The following ATXN2 variants were observed in gnomAD, a reference collection of about 807,000 sequenced individuals.
The protein encoded by ATXN2 is ataxin 2.
Under a neutral mutation model 138.6 loss-of-function variants are expected in ATXN2, and 37 were observed. The ratio of observed to expected loss-of-function variants is 0.27; its 90% CI spans 0.21 to 0.35. ATXN2 has a LOEUF of 0.35. ATXN2 is among the 10% of genes least tolerant of loss of function. The pLI is 1.00. For synonymous variants in ATXN2, 549 were observed against 543.7 expected, an observed-to-expected ratio of 1.01 and a Z score of -0.13; for missense variants, 1,216 against 1,480.3, an observed-to-expected ratio of 0.82 and a Z score of 2.93.
intron 12 of ATXN2, 77 bp downstream of exon 12, chr12:111,510,308 T>C (rs903795007): frequency 2.7e-5 from 39 of 1,456,478 alleles, no homozygotes; most frequent in Non-Finnish European, 3.5e-5. Flanking sequence ...TAACCTAGAA[T>C]TTTTTCATAT....
intron 5 of ATXN2, among the ~76,000 whole-genome samples, chr12:111,533,579 G>A (rs1239178186): frequency 6.6e-6 from 1 of 151,722 alleles, no homozygotes; most frequent in Non-Finnish European, 1.5e-5. Context: ...AGGCTGGAGT[G>A]CAGTGACACA....
At chr12:111,529,542 C>T (rs546352380) in intron 5 of ATXN2, among the ~76,000 whole-genome samples, 1 of 152,290 alleles carries the variant, frequency 6.6e-6, no homozygotes, top group South Asian at 2.1e-4. Flanking sequence ...CTCCATGCTA[C>T]CCCCACAGCA....
At chr12:111,493,769 C>G (rs959756695) in intron 14 of ATXN2, among the ~76,000 whole-genome samples, 11 of 151,560 alleles carry the variant, frequency 7.3e-5, no homozygotes, top group African/African-American at 2.7e-4. Flanking sequence ...GCTAGGATTA[C>G]AGGTGCGTGC....
intron 1 of ATXN2, among the ~76,000 whole-genome samples, chr12:111,567,987 G>A (rs1355367491): frequency 8.6e-5 from 13 of 152,042 alleles, no homozygotes; most frequent in Admixed American, 6.6e-4. Flanking sequence ...GAGGCCGGGC[G>A]CAGTGGCTCA....
intron 1 of ATXN2, among the ~76,000 whole-genome samples, chr12:111,559,790 A>C (rs1487969501): frequency 2.7e-5 from 4 of 148,030 alleles, no homozygotes; most frequent in Non-Finnish European, 5.9e-5. Flanking sequence ...AAAAAAAAAA[A>C]CTACAAAAAA....
intron 15 of ATXN2, among the ~76,000 whole-genome samples, chr12:111,487,512 G>C (rs1310002426): frequency 6.6e-6 from 1 of 152,038 alleles, no homozygotes; most frequent in Non-Finnish European, 1.5e-5. Context: ...CCAGGCTGGA[G>C]TGCAGTGGCA....
chr12:111,523,988 CT>C (rs1334708941), intron 6 of ATXN2, among the ~76,000 whole-genome samples: 1 of 152,108 alleles, frequency 6.6e-6, no homozygotes, highest in Non-Finnish European at 1.5e-5. Context: ...AGAGATAGAA[CT>C]GCTGGAACAA....
chr12:111,488,431 A>G, intron 15 of ATXN2, 45 bp downstream of exon 15: 1 of 1,552,818 alleles, frequency 6.4e-7, no homozygotes, highest in Non-Finnish European at 8.7e-7. Context: ...AAAAAAAAAA[A>G]AGTTAATTGA....
At chr12:111,468,216 G>T (rs1255885277) in intron 20 of ATXN2, 2 of 152,204 alleles carry the variant, frequency 1.3e-5, no homozygotes, top group Admixed American at 1.3e-4. Flanking sequence ...GCCTTTGCAC[G>T]CATATTCAGT....
rs769647139 is a variant in ATXN2, at chr12:111,510,041, A to C, written c.1757-43T>G. 9.5e-6 allele frequency: 13 copies of C among 1,369,092 alleles called. No homozygotes were observed. In the African/African-American group the frequency reaches 1.9e-4, roughly 20 times the overall value. The allele number at this position is 1,369,092 out of a possible 1,614,324, so 84.8% of individuals were successfully genotyped here. On this transcript the variant is annotated intron_variant, in intron 12 of 24. Coordinates refer to ENST00000673436, the MANE Select transcript of ATXN2 (RefSeq NM_001372574.1). ...AAAAAAAATTCAGATAAGTTAGAAA[A>C]GCAAAACAAGAAAACACTGAACAAT...
At chr12:111,484,083 C>T (rs145283224) in intron 18 of ATXN2, among the ~76,000 whole-genome samples, 66 of 152,140 alleles carry the variant, frequency 4.3e-4, no homozygotes, top group Non-Finnish European at 7.5e-4. Flanking sequence ...CAAGCCTAGC[C>T]GAAACATCCT....
intron 1 of ATXN2, among the ~76,000 whole-genome samples, chr12:111,582,140 C>G (rs764826228): frequency 6.6e-6 from 1 of 152,078 alleles, no homozygotes; most frequent in Admixed American, 6.6e-5. Context: ...TCAAAACCAG[C>G]CCGGGTAACA....
intron 5 of ATXN2, among the ~76,000 whole-genome samples, chr12:111,549,724 G>A (rs953438249): frequency 6.6e-6 from 1 of 152,038 alleles, no homozygotes; most frequent in African/African-American, 2.4e-5. Flanking sequence ...AGGATACTAC[G>A]CACTGGACGC....
intron 14 of ATXN2, among the ~76,000 whole-genome samples, chr12:111,499,530 C>A (rs544358084): frequency 7.9e-4 from 120 of 152,032 alleles, no homozygotes; most frequent in African/African-American, 2.8e-3. Context: ...AAGGAGAAAT[C>A]CCGTCTCTAC....
intron 21 of ATXN2, among the ~76,000 whole-genome samples, chr12:111,460,490 C>CT (rs1262096420): frequency 1.3e-5 from 2 of 152,198 alleles, no homozygotes; most frequent in African/African-American, 2.4e-5. Flanking sequence ...TTGTAACAAT[C>CT]TAAATCTGTC....
At chr12:111,490,840 A>G (rs1011889024) in intron 14 of ATXN2, among the ~76,000 whole-genome samples, 3 of 152,120 alleles carry the variant, frequency 2.0e-5, no homozygotes, top group Admixed American at 6.6e-5. Context: ...GGGATTTTGC[A>G]TTGAAACTCA....
Position 111,518,232 on chromosome 12 carries a change from C to A in ATXN2, c.1165+17G>T, listed in dbSNP as rs1879962885. On this transcript the variant is annotated intron_variant, in intron 9 of 24. Coordinates refer to ENST00000673436, the MANE Select transcript of ATXN2 (RefSeq NM_001372574.1). The stretch of plus-strand genomic sequence containing the variant: ...TATTTTATCAATGATATTGACAAGT[C>A]TGGTCAAAATACTTGCCTCCATTAA... 6.5e-7 allele frequency: 1 copy of A among 1,544,486 alleles called. No individual in the cohort carries two copies. Among genetic ancestry groups the A allele is most frequent in the African/African-American group, 1.4e-5 (1 of 73,168 alleles).
chr12:111,518,176 CTATTTTAAG>C (rs372576321), intron 9 of ATXN2, 64 bp downstream of exon 9: 33 of 1,307,080 alleles, frequency 2.5e-5, no homozygotes, highest in Middle Eastern at 2.0e-4. Flanking sequence ...GTTATGTAAA[CTATTTTAAG>C]TATTTTAAGT....
intron 14 of ATXN2, among the ~76,000 whole-genome samples, chr12:111,490,331 A>T (rs1425061481): frequency 6.6e-6 from 1 of 152,114 alleles, no homozygotes; most frequent in Non-Finnish European, 1.5e-5. Flanking sequence ...GCAGATTTAT[A>T]GTTCAGAAAG....
Sources: allele counts gnomAD v4.1 joint callset (sites outside exome capture counted in the v4.1 genomes callset), GRCh38; gene constraint gnomAD v4.1.1; transcripts MANE v1.5; gene names NCBI Gene and HGNC (gene_info 2026-07-23, HGNC 2026-07-21).